Variants in B3GALT1 observed in about 807,000 individuals in gnomAD.
B3GALT1 encodes the protein beta-1,3-galactosyltransferase 1.
B3GALT1 carries 10 observed loss-of-function variants against 23.2 expected under a neutral mutation model. The ratio of observed to expected loss-of-function variants is 0.43; its 90% CI spans 0.27 to 0.73. The LOEUF is 0.73. B3GALT1 is among the 30% of genes least tolerant of loss of function. The probability of loss-of-function intolerance (pLI) is 0.21; values close to 1 mark genes in which losing one functional copy is unlikely to be tolerated. For synonymous variants in B3GALT1, 156 were observed against 141.5 expected, an observed-to-expected ratio of 1.10 and a Z score of -0.73; for missense variants, 299 against 405.4, an observed-to-expected ratio of 0.74 and a Z score of 2.25.
At chr2:167,828,068 G>A (rs1222401606) in intron 4 of B3GALT1, among the ~76,000 whole-genome samples, 6 of 152,146 alleles carry the variant, frequency 3.9e-5, no homozygotes, top group African/African-American at 9.7e-5. Context: ...TTATTCAGCT[G>A]TGTATAAGAC....
chr2:167,793,840 T>C (rs1688491630), intron 3 of B3GALT1, among the ~76,000 whole-genome samples: 1 of 152,236 alleles, frequency 6.6e-6, no homozygotes, highest in South Asian at 2.1e-4. Context: ...GGCCATAGAC[T>C]GTGTCTCTCT....
intron 3 of B3GALT1, among the ~76,000 whole-genome samples, chr2:167,798,589 G>C (rs1391572457): frequency 6.6e-6 from 1 of 152,110 alleles, no homozygotes; most frequent in Admixed American, 6.5e-5. Context: ...AAGATAGATG[G>C]CTGTAGGTGT....
chr2:167,570,606 A>G (rs1166957848), intron 2 of B3GALT1, among the ~76,000 whole-genome samples: 1 of 152,024 alleles, frequency 6.6e-6, no homozygotes, highest in Non-Finnish European at 1.5e-5. Flanking sequence ...TTGAATACTC[A>G]GCATTTTTTT....
intron 3 of B3GALT1, among the ~76,000 whole-genome samples, chr2:167,781,460 A>G (rs529481772): frequency 3.9e-5 from 6 of 152,290 alleles, no homozygotes; most frequent in Non-Finnish European, 7.4e-5. Flanking sequence ...GATGGGTGCA[A>G]TACTACATTT....
intron 1 of B3GALT1, among the ~76,000 whole-genome samples, chr2:167,330,443 C>T (rs1696956037): frequency 6.6e-6 from 1 of 152,028 alleles, no homozygotes; most frequent in Non-Finnish European, 1.5e-5. Flanking sequence ...CCTGTCTCTA[C>T]AAAAAATATT....
intron 2 of B3GALT1, among the ~76,000 whole-genome samples, chr2:167,644,958 A>T (rs935291891): frequency 6.6e-6 from 1 of 152,098 alleles, no homozygotes; most frequent in Non-Finnish European, 1.5e-5. Flanking sequence ...GCTTAATTGC[A>T]ACTGAATATT....
intron 4 of B3GALT1, among the ~76,000 whole-genome samples, chr2:167,841,846 A>T (rs1689658553): frequency 1.3e-5 from 2 of 152,266 alleles, no homozygotes; most frequent in South Asian, 4.1e-4. Context: ...AAGGTTAACC[A>T]TAGGAAATAA....
chr2:167,566,340 G>T (rs1043239642), intron 2 of B3GALT1, among the ~76,000 whole-genome samples: 1 of 151,488 alleles, frequency 6.6e-6, no homozygotes, highest in African/African-American at 2.4e-5. Flanking sequence ...ATCACACTCT[G>T]GGGACTGTTT....
intron 4 of B3GALT1, among the ~76,000 whole-genome samples, chr2:167,838,353 C>T (rs200555651): frequency 0.056 from 8,445 of 150,732 alleles, 21 homozygotes; most frequent in South Asian, 0.083. Flanking sequence ...ATATCACCAC[C>T]GATCCCACAG....
chr2:167,830,994 T>C (rs1422944655), intron 4 of B3GALT1, among the ~76,000 whole-genome samples: 1 of 152,254 alleles, frequency 6.6e-6, no homozygotes, highest in Non-Finnish European at 1.5e-5. Context: ...ATTCTGGCGA[T>C]AATCATAGTG....
intron 1 of B3GALT1, among the ~76,000 whole-genome samples, chr2:167,344,680 C>T (rs1480845394): frequency 1.3e-5 from 2 of 152,148 alleles, no homozygotes; most frequent in African/African-American, 4.8e-5. Flanking sequence ...TATGTGAGCT[C>T]TGGTGTGGCA....
At chr2:167,694,980 G>A (rs1004049187) in intron 3 of B3GALT1, among the ~76,000 whole-genome samples, 17 of 152,132 alleles carry the variant, frequency 1.1e-4, no homozygotes, top group African/African-American at 4.1e-4. Context: ...ACCTCCTGCA[G>A]TCTGACCATT....
At chr2:167,547,788 C>G (rs1177201573) in intron 2 of B3GALT1, among the ~76,000 whole-genome samples, 2 of 151,646 alleles carry the variant, frequency 1.3e-5, no homozygotes, top group Non-Finnish European at 2.9e-5. Flanking sequence ...CCTTGCTTTA[C>G]TAGGCTAGCT....
intron 3 of B3GALT1, among the ~76,000 whole-genome samples, chr2:167,663,473 C>A (rs886783492): frequency 2.0e-5 from 3 of 152,120 alleles, no homozygotes; most frequent in Non-Finnish European, 4.4e-5. Context: ...TGGGTATATG[C>A]CCAGTAATGG....
intron 3 of B3GALT1, among the ~76,000 whole-genome samples, chr2:167,647,937 T>G (rs950786533): frequency 3.9e-5 from 6 of 152,146 alleles, no homozygotes; most frequent in Non-Finnish European, 7.4e-5. Flanking sequence ...ACAACCTAAT[T>G]TCGCTCTTTA....
At chr2:167,567,431 G>GGATCATTC (rs1223091413) in intron 2 of B3GALT1, among the ~76,000 whole-genome samples, 2 of 152,062 alleles carry the variant, frequency 1.3e-5, no homozygotes, top group African/African-American at 4.8e-5. Flanking sequence ...TGGAAAAAAG[G>GGATCATTC]GATCATTCTC....
intron 1 of B3GALT1, among the ~76,000 whole-genome samples, chr2:167,484,859 T>C (rs1174269605): frequency 6.6e-6 from 1 of 152,172 alleles, no homozygotes; most frequent in East Asian, 1.9e-4. Context: ...CATTTCAAAA[T>C]ATGTCCAAGA....
chr2:167,302,422 G>A (rs1418769827), intron 1 of B3GALT1, among the ~76,000 whole-genome samples: 3 of 152,070 alleles, frequency 2.0e-5, no homozygotes, highest in Non-Finnish European at 4.4e-5. Flanking sequence ...CAAAACATTG[G>A]AGTGATATGC....
chr2:167,703,831 ACTC>A (rs1424146669), intron 3 of B3GALT1, among the ~76,000 whole-genome samples: 2 of 151,886 alleles, frequency 1.3e-5, no homozygotes, highest in South Asian at 2.1e-4. Context: ...ACCCTAAAAG[ACTC>A]CTACTGACTG....
Sources: gnomAD v4.1 joint callset for allele counts (sites outside exome capture counted in the v4.1 genomes callset) on GRCh38, gnomAD v4.1.1 for gene constraint, MANE v1.5 for transcripts, NCBI Gene and HGNC (gene_info 2026-07-23, HGNC 2026-07-21) for gene names.